IL12RB1: variants seen among roughly 807,000 people sequenced by gnomAD.
The protein encoded by IL12RB1 is interleukin 12 receptor subunit beta 1, also known as interleukin-12 receptor subunit beta-1.
IL12RB1 carries 64 observed loss-of-function variants against 94.4 expected under a neutral mutation model. The observed-to-expected ratio is 0.68, with a 90% confidence interval of 0.55 to 0.83. The LOEUF (loss-of-function observed/expected upper bound fraction) is 0.83. IL12RB1 is among the 40% of genes least tolerant of loss of function. IL12RB1 has a pLI of 0.00. For synonymous variants in IL12RB1, 362 were observed against 355.5 expected, an observed-to-expected ratio of 1.02 and a Z score of -0.21; for missense variants, 814 against 855.6, an observed-to-expected ratio of 0.95 and a Z score of 0.61.
intron 1 of IL12RB1, among the ~76,000 whole-genome samples, chr19:18,084,999 T>C (rs2036229499): frequency 6.6e-6 from 1 of 152,194 alleles, no homozygotes; most frequent in Non-Finnish European, 1.5e-5. Flanking sequence ...CTTGGCCCAC[T>C]AGCAGTCAGG....
chr19:18,072,023 G>A (rs189824205), intron 9 of IL12RB1, 89 bp downstream of exon 9: 49 of 926,926 alleles, frequency 5.3e-5, no homozygotes, highest in Middle Eastern at 2.7e-4. Context: ...TTTCTGCCTC[G>A]CTCCTCTCAC....
At chr19:18,070,595 C>T (rs2034955614) in intron 9 of IL12RB1, 1 of 904,004 alleles carries the variant, frequency 1.1e-6, no homozygotes, top group Non-Finnish European at 1.3e-6. Flanking sequence ...TGAGTACCAA[C>T]TGCATGTGCC....
chr19:18,096,379 A>G (rs561354930), intron 1 of IL12RB1, among the ~76,000 whole-genome samples: 1 of 145,452 alleles, frequency 6.9e-6, no homozygotes, highest in East Asian at 2.0e-4. Flanking sequence ...TGAGACACTT[A>G]GGGCAAAAAG....
intron 5 of IL12RB1, among the ~76,000 whole-genome samples, chr19:18,076,749 A>AT (rs201622602): frequency 0.033 from 5,055 of 152,234 alleles, 110 homozygotes; most frequent in Middle Eastern, 0.068. Context: ...GATTATTTCT[A>AT]TCGTTAATTA....
Position 18,059,219 on chromosome 19 carries a change from C to T in IL12RB1, c.*389G>A. The T allele has an allele frequency of 3.4e-6, 1 of 291,208 alleles. No individual in the cohort carries two copies. The highest frequency in any genetic ancestry group is 6.6e-6 in the Non-Finnish European group (1 of 150,428). 18.0% of individuals were successfully genotyped at this position (291,208 alleles called of 1,614,324 possible). Reference sequence around the variant, plus strand: ...AGCCCCCTTCCCTATATGCCTGGATCCTCCAAGCTACAAGACCCCGCAATG... The same window carrying T: ...AGCCCCCTTCCCTATATGCCTGGATTCTCCAAGCTACAAGACCCCGCAATG... On this transcript the variant is annotated 3_prime_UTR_variant, in exon 17 of 17. Transcript: ENST00000593993.
chr19:18,060,104 G>C lies in IL12RB1; in HGVS notation c.1792-19C>G, dbSNP rs560307985. 126 of 1,457,164 alleles carry C rather than the reference G, an allele frequency of 8.6e-5. 2 individuals are homozygous for C. In the South Asian group the frequency reaches 1.4e-3, roughly 16 times the overall value. The allele number at this position is 1,457,164 out of a possible 1,614,324, so 90.3% of individuals were successfully genotyped here. A position where few individuals can be genotyped will look rare whatever the true frequency, so the allele number is the denominator to read the frequency against. ...GCCAAGTCTGCAGAGGGAGGGTAGGGCCACAGCTGTGAGCAGAGCTCTACT... is the reference window on the plus strand; with the variant it reads ...GCCAAGTCTGCAGAGGGAGGGTAGGCCCACAGCTGTGAGCAGAGCTCTACT... On this transcript the variant is annotated intron_variant, in intron 15 of 16. Coordinates refer to ENST00000593993, the MANE Select transcript of IL12RB1 (RefSeq NM_005535.3).
intron 4 of IL12RB1, 27 bp downstream of exon 4, chr19:18,080,805 C>T (rs371238955): frequency 2.1e-5 from 32 of 1,543,478 alleles, no homozygotes; most frequent in Middle Eastern, 1.7e-4. Flanking sequence ...GGGTAAAAAA[C>T]GGACGGGGGG....
At position 18,083,376 on chromosome 19, in the gene IL12RB1, G is replaced by A. The variant is rs951184710; in HGVS notation, c.124+56C>T. On this transcript the variant is annotated intron_variant, in intron 2 of 16. Coordinates refer to ENST00000593993, the MANE Select transcript of IL12RB1 (RefSeq NM_005535.3). ...GGCCATGGGAGGGGCCGCTGTGGAT[G>A]GGGTCAGGCAGAGCCCTACATAATC... The A allele has an allele frequency of 2.1e-5, 32 of 1,528,990 alleles. No homozygotes were observed. The Admixed American group carries it at 5.2e-4, about 25-fold the overall frequency. 94.7% of individuals were successfully genotyped at this position (1,528,990 alleles called of 1,614,324 possible).
At chr19:18,059,869 C>T (rs376525105) in intron 16 of IL12RB1, 25 bp downstream of exon 16, 9 of 1,426,728 alleles carry the variant, frequency 6.3e-6, no homozygotes, top group Admixed American at 3.9e-5. Context: ...CACCCCTGAC[C>T]GTCTGGCCCA....
At chr19:18,093,521 C>G (rs2146595658) in intron 1 of IL12RB1, among the ~76,000 whole-genome samples, 1 of 152,108 alleles carries the variant, frequency 6.6e-6, no homozygotes, top group Admixed American at 6.6e-5. Flanking sequence ...GGATTTGAGA[C>G]CTCTCTGGTG....
chr19:18,080,405 A>C (rs985367810), intron 4 of IL12RB1, among the ~76,000 whole-genome samples: 1 of 151,934 alleles, frequency 6.6e-6, no homozygotes, highest in African/African-American at 2.4e-5. Context: ...CTCCTGGCTA[A>C]TTTTTGTATT....
intron 1 of IL12RB1, among the ~76,000 whole-genome samples, chr19:18,093,232 G>T (rs2036715797): frequency 6.6e-6 from 1 of 151,914 alleles, no homozygotes; most frequent in African/African-American, 2.4e-5. Flanking sequence ...CTTGAATCCA[G>T]GAGGCGGAGG....
At chr19:18,066,413 CTT>C (rs2146167201) in intron 12 of IL12RB1, 127 bp downstream of exon 12, 1 of 654,616 alleles carries the variant, frequency 1.5e-6, no homozygotes, top group East Asian at 2.8e-5. Context: ...AGCCAATTCT[CTT>C]GTTTTAAGGG....
At chr19:18,086,961 A>G (rs779190831), upstream of IL12RB1, 7 of 1,533,354 alleles carry the variant, frequency 4.6e-6, no homozygotes, top group South Asian at 1.2e-5. Flanking sequence ...GAAAAAAAGT[A>G]AAGTGTCACA....
In IL12RB1 at chr19:18,086,877, G is replaced by T; in HGVS notation, c.-54C>A. 1.3e-6 allele frequency: 2 copies of T among 1,586,398 alleles called. No homozygotes were observed. The highest frequency in any genetic ancestry group is 1.7e-6 in the Non-Finnish European group (2 of 1,165,746). On this transcript the variant is annotated 5_prime_UTR_variant, in exon 1 of 17. Transcript: ENST00000593993. The stretch of plus-strand genomic sequence containing the variant: ...GGGGAGCCTCTCTGCCACCTGCGAG[G>T]TTCAGCCACCCCGTCCCCACTCCGG...
chr19:18,086,851 AG>A lies in IL12RB1; in HGVS notation c.-29del. 1 of 1,600,994 alleles carries A rather than the reference AG, an allele frequency of 6.2e-7. No homozygotes were observed. Among genetic ancestry groups the A allele is most frequent in the Non-Finnish European group, 8.5e-7 (1 of 1,173,762 alleles). On this transcript the variant is annotated 5_prime_UTR_variant, in exon 1 of 17. Coordinates refer to ENST00000593993, the MANE Select transcript of IL12RB1 (RefSeq NM_005535.3). ...GATCCACGTAGAGCCCCACAGCCCCAGGGGAGCCTCTCTGCCACCTGCGAGG... is the reference window on the plus strand; with the variant it reads ...GATCCACGTAGAGCCCCACAGCCCCAGGGAGCCTCTCTGCCACCTGCGAGG...
intron 14 of IL12RB1, among the ~76,000 whole-genome samples, chr19:18,061,933 G>A (rs2034166460): frequency 6.6e-6 from 1 of 152,108 alleles, no homozygotes; most frequent in South Asian, 2.1e-4. Context: ...TTAAAAGTAA[G>A]TATAAATCTG....
rs772340282 is a variant in IL12RB1, at chr19:18,059,980, C to G, written c.1897G>C (p.Glu633Gln). The change falls in exon 16 of 17, where the codon GAG becomes CAG. Residue 633 changes from glutamate (E) to glutamine (Q), a missense_variant. Physicochemically the swap from Glu to Gln is conservative, Grantham distance 29. Coordinates refer to ENST00000593993, the MANE Select transcript of IL12RB1 (RefSeq NM_005535.3). ...WDKGERTEPLEKTELPEGAPE... is the reference protein window; with the variant it reads ...WDKGERTEPLQKTELPEGAPE... Reference sequence around the variant, plus strand: ...GCACCCTCAGGTAGCTCTGTCTTCTCGAGAGGCTCAGTCCTCTCGCCTTTG... The same window carrying G: ...GCACCCTCAGGTAGCTCTGTCTTCTGGAGAGGCTCAGTCCTCTCGCCTTTG... The G allele has an allele frequency of 1.2e-6, 2 of 1,600,412 alleles. No individual in the cohort carries two copies. The highest frequency in any genetic ancestry group is 8.5e-7 in the Non-Finnish European group (1 of 1,172,010).
At chr19:18,066,385 G>T (rs2034580420) in intron 12 of IL12RB1, among the ~76,000 whole-genome samples, 157 bp downstream of exon 12, 1 of 151,366 alleles carries the variant, frequency 6.6e-6, no homozygotes, top group Admixed American at 6.6e-5. Context: ...GGGATTACAG[G>T]CGTGAGCCAC....
Sources: gnomAD v4.1 joint callset for allele counts (sites outside exome capture counted in the v4.1 genomes callset) on GRCh38, gnomAD v4.1.1 for gene constraint, MANE v1.5 for transcripts, NCBI Gene and HGNC (gene_info 2026-07-23, HGNC 2026-07-21) for gene names.